DOCK4: variants seen among roughly 807,000 people sequenced by gnomAD.
The protein encoded by DOCK4 is dedicator of cytokinesis protein 4.
In DOCK4, 97 loss-of-function variants were observed where a neutral mutation model predicts 268.1. That is an observed-to-expected ratio of 0.36 (90% CI 0.31 to 0.43). DOCK4 has a LOEUF of 0.43. Ranked by LOEUF, DOCK4 falls within the 20% of genes least tolerant of loss-of-function variation. DOCK4 has a pLI of 1.00. For synonymous variants in DOCK4, 954 were observed against 887.2 expected (o/e 1.08, Z -1.34); for missense variants, 2,145 against 2,455.7 (o/e 0.87, Z 2.67).
chr7:112,138,180 A>C (rs1449755257), intron 1 of DOCK4, among the ~76,000 whole-genome samples: 1 of 152,218 alleles, frequency 6.6e-6, no homozygotes, highest in Non-Finnish European at 1.5e-5. Flanking sequence ...TACTCTAAAG[A>C]CAATGATTTT....
chr7:112,180,690 T>C (rs112429741), intron 1 of DOCK4, among the ~76,000 whole-genome samples: 17 of 152,336 alleles, frequency 1.1e-4, no homozygotes, highest in South Asian at 6.2e-4. Context: ...GTCCCGATGA[T>C]GGCATCCTTC....
chr7:111,773,216 A>G (rs535156261), intron 36 of DOCK4, among the ~76,000 whole-genome samples: 221 of 152,328 alleles, frequency 1.5e-3, no homozygotes, highest in Non-Finnish European at 2.8e-3. Flanking sequence ...CTGTCACAAA[A>G]GGCTGGAAAA....
At chr7:112,160,201 G>C (rs1816984941) in intron 1 of DOCK4, among the ~76,000 whole-genome samples, 1 of 152,146 alleles carries the variant, frequency 6.6e-6, no homozygotes, top group Non-Finnish European at 1.5e-5. Context: ...ATCCGACTCT[G>C]TGACTCAGCT....
chr7:112,070,280 G>A (rs1169722579), intron 1 of DOCK4, among the ~76,000 whole-genome samples: 5 of 152,148 alleles, frequency 3.3e-5, no homozygotes, highest in Admixed American at 2.6e-4. Context: ...AGATACAGGG[G>A]TGGGAGGAAG....
chr7:112,022,423 C>T (rs1802403750), intron 1 of DOCK4, among the ~76,000 whole-genome samples: 1 of 152,242 alleles, frequency 6.6e-6, no homozygotes, highest in Non-Finnish European at 1.5e-5. Flanking sequence ...CAGCTGATGG[C>T]TGTCCCAGCT....
chr7:112,013,744 T>C (rs1377981289), intron 1 of DOCK4, among the ~76,000 whole-genome samples: 3 of 152,236 alleles, frequency 2.0e-5, no homozygotes, highest in Admixed American at 2.0e-4. Context: ...TTACAACTGC[T>C]GAGCTTCGGC....
rs536747378 is a variant in DOCK4 at position 111,750,240 on chromosome 7, G to A, written c.4417-2797C>T. On this transcript the variant is annotated intron_variant, in intron 42 of 52. Coordinates refer to ENST00000428084, the MANE Select transcript of DOCK4 (RefSeq NM_001363540.2). ...CTGTGATCCATTCATTTTCTTTACT[G>A]GGGAATGTCCTTAAGGGACAGAAAA... 4.6e-5 allele frequency among the ~76,000 whole-genome samples: 7 copies of A among 152,238 alleles called. No individual in the cohort carries two copies. The South Asian group carries it at 1.5e-3, about 32-fold the overall frequency.
intron 1 of DOCK4, among the ~76,000 whole-genome samples, chr7:112,004,836 A>G (rs1800723735): frequency 6.6e-6 from 1 of 152,196 alleles, no homozygotes; most frequent in Non-Finnish European, 1.5e-5. Context: ...TTATAGATTA[A>G]TGGTTTAGAT....
At chr7:112,053,101 G>C (rs1332929445) in intron 1 of DOCK4, among the ~76,000 whole-genome samples, 2 of 152,054 alleles carry the variant, frequency 1.3e-5, no homozygotes, top group African/African-American at 4.8e-5. Context: ...CTTAACCATT[G>C]AAAACCTGGA....
intron 46 of DOCK4, 46 bp from the exon 47 acceptor site, chr7:111,741,260 G>GTACTT (rs748952260): frequency 1.2e-6 from 2 of 1,608,582 alleles, no homozygotes; most frequent in African/African-American, 1.3e-5. Flanking sequence ...TCTCCAAATT[G>GTACTT]TACTTTATCA....
chr7:111,980,571 C>A (rs1340640144), intron 7 of DOCK4, among the ~76,000 whole-genome samples: 1 of 152,134 alleles, frequency 6.6e-6, no homozygotes, highest in Non-Finnish European at 1.5e-5. Context: ...CAGGGTTTAC[C>A]AACCTCAATG....
chr7:111,986,562 A>G (rs934586285), intron 6 of DOCK4, among the ~76,000 whole-genome samples: 5 of 152,216 alleles, frequency 3.3e-5, no homozygotes, highest in Admixed American at 3.3e-4. Flanking sequence ...GGATGAGAGG[A>G]GATCACACAG....
chr7:111,853,597 GT>G (rs1236455045), intron 23 of DOCK4, among the ~76,000 whole-genome samples: 1 of 152,294 alleles, frequency 6.6e-6, no homozygotes, highest in East Asian at 1.9e-4. Context: ...AGTGGGCTAC[GT>G]TCTCATGCAG....
At chr7:111,873,348 A>C (rs1806577866) in intron 17 of DOCK4, among the ~76,000 whole-genome samples, 1 of 152,226 alleles carries the variant, frequency 6.6e-6, no homozygotes, top group Admixed American at 6.5e-5. Context: ...GTCTCCATGC[A>C]TTATTAGTCT....
chr7:111,910,258 C>T (rs1484957520), intron 13 of DOCK4, among the ~76,000 whole-genome samples: 1 of 152,222 alleles, frequency 6.6e-6, no homozygotes, highest in Non-Finnish European at 1.5e-5. Flanking sequence ...CCTGATACAT[C>T]AGCCAGCTTT....
At position 111,863,454 on chromosome 7, in the gene DOCK4, G is replaced by T; in HGVS notation, c.2391C>A (p.Ile797=). The change falls in exon 23 of 53, where the codon ATC becomes ATA. Residue 797 remains isoleucine (I), a synonymous_variant. Transcript: ENST00000428084. ...CCTGCAGGGAATCATCCACATGCAG[G>T]ATGGTCGGCAGACTGCCCAGGGTGT... The part of the protein sequence containing the change: ...VQDTLGSLPT[I]LHVDDSLQAI... The T allele has an allele frequency of 1.9e-6, 3 of 1,614,040 alleles. No individual in the cohort carries two copies. The highest frequency in any genetic ancestry group is 2.5e-6 in the Non-Finnish European group (3 of 1,179,910).
chr7:112,077,728 G>C (rs1473177858), intron 1 of DOCK4, among the ~76,000 whole-genome samples: 1 of 151,876 alleles, frequency 6.6e-6, no homozygotes, highest in African/African-American at 2.4e-5. Context: ...CAATATTCTA[G>C]GCTGAATGTT....
chr7:112,035,400 C>A lies in DOCK4; in HGVS notation c.38-31269G>T, dbSNP rs187175802. Among the ~76,000 whole-genome samples, 274 of 152,110 alleles carry A rather than the reference C, an allele frequency of 1.8e-3. 4 individuals carry two copies. Among genetic ancestry groups the A allele is most frequent in the Non-Finnish European group, 4.7e-4 (32 of 67,996 alleles). ...AACCCCAGAAACATAAGAAGACTTT[C>A]GGTGAATGTGTCACATTCTATAAAA... On this transcript the variant is annotated intron_variant, in intron 1 of 52. Coordinates refer to ENST00000428084, the MANE Select transcript of DOCK4 (RefSeq NM_001363540.2).
At chr7:112,057,734 C>A (rs560812629) in intron 1 of DOCK4, among the ~76,000 whole-genome samples, 15 of 151,976 alleles carry the variant, frequency 9.9e-5, no homozygotes, top group Admixed American at 6.6e-4. Context: ...ATGATCACAT[C>A]ACTGCACTCC....
Sources: allele counts gnomAD v4.1 joint callset (sites outside exome capture counted in the v4.1 genomes callset), GRCh38; gene constraint gnomAD v4.1.1; transcripts MANE v1.5; gene names NCBI Gene and HGNC (gene_info 2026-07-23, HGNC 2026-07-21).